Variants in FAM13A observed in about 807,000 individuals in gnomAD.
The protein encoded by FAM13A is protein FAM13A.
Under a neutral mutation model 129.6 loss-of-function variants are expected in FAM13A, and 76 were observed. That is an observed-to-expected ratio of 0.59 (90% CI 0.49 to 0.71). The LOEUF (loss-of-function observed/expected upper bound fraction) is 0.71, where lower values mean the gene tolerates loss of function less well. Among genes scored for constraint, FAM13A ranks in the 30% least tolerant of loss-of-function variants. The probability of loss-of-function intolerance (pLI) is 0.00; values close to 1 mark genes in which losing one functional copy is unlikely to be tolerated. For synonymous variants in FAM13A, 443 were observed against 449.9 expected (o/e 0.98, Z 0.20); for missense variants, 1,108 against 1,249.3 (o/e 0.89, Z 1.70).
Position 88,948,953 on chromosome 4 carries a change from C to T in FAM13A, c.606-10712G>A, listed in dbSNP as rs532584335. 3.3e-5 allele frequency among the ~76,000 whole-genome samples: 5 copies of T among 152,324 alleles called. No homozygotes were observed. The South Asian group carries it at 1.0e-3, about 32-fold the overall frequency. On this transcript the variant is annotated intron_variant, in intron 4 of 23. Transcript: ENST00000264344. ...TAAACTAGATCTTTCTAGTCCTGAT[C>T]TCTCTTGAGAATCAAAGTTCAAGAC...
chr4:88,795,788 CA>C (rs1192162406), intron 8 of FAM13A, among the ~76,000 whole-genome samples: 2 of 151,716 alleles, frequency 1.3e-5, no homozygotes, highest in Non-Finnish European at 3.0e-5. Context: ...AGATGTTCTC[CA>C]AATTTATATA....
intron 7 of FAM13A, among the ~76,000 whole-genome samples, chr4:88,814,677 TTC>T (rs1730348866): frequency 6.6e-6 from 1 of 152,230 alleles, no homozygotes; most frequent in Non-Finnish European, 1.5e-5. Flanking sequence ...GCGAAATTAT[TTC>T]TTTTTATAAT....
intron 4 of FAM13A, among the ~76,000 whole-genome samples, chr4:88,968,994 GA>G (rs1271584819): frequency 6.6e-6 from 1 of 152,102 alleles, no homozygotes; most frequent in African/African-American, 2.4e-5. Flanking sequence ...CAATTTAAAA[GA>G]TGTTCCAAAG....
At chr4:88,799,674 T>A (rs1041294103) in intron 8 of FAM13A, among the ~76,000 whole-genome samples, 1 of 152,098 alleles carries the variant, frequency 6.6e-6, no homozygotes, top group Non-Finnish European at 1.5e-5. Context: ...TAGTAGAGAC[T>A]GGGTTTCACC....
intron 11 of FAM13A, 37 bp from the exon 12 acceptor site, chr4:88,768,096 G>C: frequency 8.0e-7 from 1 of 1,257,586 alleles, no homozygotes; most frequent in Non-Finnish European, 1.2e-6. Flanking sequence ...TAATAGGAAT[G>C]GTAAGAAATA....
chr4:88,969,298 G>C (rs1759760883), intron 4 of FAM13A, among the ~76,000 whole-genome samples: 1 of 152,162 alleles, frequency 6.6e-6, no homozygotes, highest in African/African-American at 2.4e-5. Flanking sequence ...ACTTGTCCAG[G>C]CAGCACAGAT....
At chr4:88,933,489 A>C (rs1753369903) in intron 5 of FAM13A, among the ~76,000 whole-genome samples, 1 of 151,912 alleles carries the variant, frequency 6.6e-6, no homozygotes, top group Admixed American at 6.6e-5. Context: ...TTAGTCCCTC[A>C]TGCTCATAAA....
intron 5 of FAM13A, among the ~76,000 whole-genome samples, chr4:88,909,258 G>A (rs555105136): frequency 2.0e-5 from 3 of 152,070 alleles, no homozygotes; most frequent in Non-Finnish European, 2.9e-5. Context: ...AATATTCTTC[G>A]GCTATAAAAA....
intron 1 of FAM13A, among the ~76,000 whole-genome samples, chr4:89,030,132 T>C (rs1162510565): frequency 6.6e-6 from 1 of 152,098 alleles, no homozygotes; most frequent in African/African-American, 2.4e-5. Flanking sequence ...ACCATTATAG[T>C]TCTCTGATTT....
intron 5 of FAM13A, among the ~76,000 whole-genome samples, chr4:88,919,853 C>T (rs1036282096): frequency 1.3e-5 from 2 of 152,230 alleles, no homozygotes; most frequent in African/African-American, 2.4e-5. Context: ...CCTAATACTG[C>T]GCTTTTCCGA....
chr4:88,932,050 G>A (rs1321158516), intron 5 of FAM13A, among the ~76,000 whole-genome samples: 3 of 152,210 alleles, frequency 2.0e-5, no homozygotes, highest in Non-Finnish European at 2.9e-5. Flanking sequence ...ACATATAGGA[G>A]TCAGAAGAAC....
intron 6 of FAM13A, among the ~76,000 whole-genome samples, chr4:88,878,802 T>C (rs1369684915): frequency 1.3e-5 from 2 of 152,188 alleles, no homozygotes; most frequent in East Asian, 1.9e-4. Flanking sequence ...CCTAATAGTG[T>C]AGGGGACTGA....
intron 6 of FAM13A, among the ~76,000 whole-genome samples, chr4:88,881,839 G>T (rs1434133001): frequency 6.6e-6 from 1 of 152,000 alleles, no homozygotes; most frequent in Non-Finnish European, 1.5e-5. Context: ...AAATATACTG[G>T]AACGTGTCAG....
At chr4:89,025,242 A>ATTTTT (rs1560851172) in intron 2 of FAM13A, among the ~76,000 whole-genome samples, 19 of 55,462 alleles carry the variant, frequency 3.4e-4, no homozygotes, top group Non-Finnish European at 6.0e-4. Flanking sequence ...CCATGGAATC[A>ATTTTT]TTGTTTTTTT....
At chr4:88,801,046 C>CAA (rs893478945) in intron 8 of FAM13A, among the ~76,000 whole-genome samples, 5 of 148,366 alleles carry the variant, frequency 3.4e-5, no homozygotes, top group Admixed American at 3.4e-4. Context: ...AAGCATAATA[C>CAA]AAAAAAAAAA....
intron 14 of FAM13A, among the ~76,000 whole-genome samples, chr4:88,751,344 AGT>A (rs1742576597): frequency 6.6e-6 from 1 of 152,162 alleles, no homozygotes; most frequent in Non-Finnish European, 1.5e-5. Context: ...ACAACCGAGG[AGT>A]CAAGCTAAGG....
At chr4:88,780,448 G>C (rs574185560) in intron 11 of FAM13A, among the ~76,000 whole-genome samples, 1 of 152,162 alleles carries the variant, frequency 6.6e-6, no homozygotes, top group East Asian at 1.9e-4. Context: ...TCAGGTTTTT[G>C]GGTTTGTTGT....
At chr4:89,001,039 A>G (rs1193067558) in intron 3 of FAM13A, among the ~76,000 whole-genome samples, 2 of 152,264 alleles carry the variant, frequency 1.3e-5, no homozygotes, top group African/African-American at 2.4e-5. Context: ...AGCTTGCACA[A>G]CCTCACCCAC....
chr4:88,776,830 T>G (rs993140573), intron 11 of FAM13A, among the ~76,000 whole-genome samples: 1 of 151,998 alleles, frequency 6.6e-6, no homozygotes, highest in African/African-American at 2.4e-5. Flanking sequence ...AAAAATTAGC[T>G]GGGCACAGTG....
Sources: gnomAD v4.1 joint callset for allele counts (sites outside exome capture counted in the v4.1 genomes callset) on GRCh38, gnomAD v4.1.1 for gene constraint, MANE v1.5 for transcripts, NCBI Gene and HGNC (gene_info 2026-07-23, HGNC 2026-07-21) for gene names.